Variants in FBN2 observed in about 807,000 individuals in gnomAD.
FBN2 encodes fibrillin 2, also known as fibrillin-2.
A neutral mutation model predicts 355.6 loss-of-function variants in FBN2; 105 were observed. The ratio of observed to expected loss-of-function variants is 0.30; its 90% CI spans 0.25 to 0.35. The LOEUF (loss-of-function observed/expected upper bound fraction) is 0.35, where lower values mean the gene tolerates loss of function less well. FBN2 is among the 10% of genes least tolerant of loss of function. FBN2 has a pLI of 1.00. For missense variants in FBN2, 3,280 were observed against 3,758.7 expected (o/e 0.87, Z 3.33); for synonymous variants, 1,350 against 1,301.2 (o/e 1.04, Z -0.81).
intron 7 of FBN2, among the ~76,000 whole-genome samples, chr5:128,422,394 C>A (rs1177262444): frequency 1.3e-5 from 2 of 152,084 alleles, no homozygotes; most frequent in East Asian, 1.9e-4. Flanking sequence ...CTGGTATACA[C>A]TAAGCTTTTG....
chr5:128,399,465 A>C (rs1029153279), intron 8 of FBN2, among the ~76,000 whole-genome samples: 5 of 152,224 alleles, frequency 3.3e-5, no homozygotes, highest in African/African-American at 9.6e-5. Flanking sequence ...ACAAAACCAG[A>C]GTTTTCTACC....
chr5:128,322,150 G>A (rs575564927), intron 34 of FBN2, among the ~76,000 whole-genome samples: 6 of 151,208 alleles, frequency 4.0e-5, no homozygotes, highest in Admixed American at 2.0e-4. Context: ...TTTTTTTCTT[G>A]TAAATTTAAG....
chr5:128,392,134 T>C lies in FBN2; in HGVS notation c.1487A>G (p.Asp496Gly), dbSNP rs1302540954. ...AAGGTTAGCATGATGCTTACAGATA[T>C]CTATTGTCTGGTTCAGAATTGCTAC... ...TGLTILNQTI[D>G]ICKHHANLCL... The change falls in exon 11 of 65, where the codon GAT becomes GGT. Residue 496 changes from aspartate (D) to glycine (G), a missense_variant. Asp to Gly is a moderately conservative substitution (Grantham distance 94). Coordinates refer to ENST00000262464, the MANE Select transcript of FBN2 (RefSeq NM_001999.4). 2.5e-6 allele frequency: 4 copies of C among 1,613,524 alleles called. No homozygotes were observed. The highest frequency in any genetic ancestry group is 1.7e-5 in the Admixed American group (1 of 59,998).
chr5:128,509,498 A>G (rs1756055193), intron 5 of FBN2, among the ~76,000 whole-genome samples: 1 of 152,164 alleles, frequency 6.6e-6, no homozygotes, highest in African/African-American at 2.4e-5. Flanking sequence ...GGAATACCTT[A>G]TAATAACTAC....
chr5:128,488,297 T>A (rs1486055116), intron 5 of FBN2, among the ~76,000 whole-genome samples: 1 of 152,102 alleles, frequency 6.6e-6, no homozygotes, highest in Non-Finnish European at 1.5e-5. Context: ...GTGCTAGCAG[T>A]TTTTGTCAGC....
chr5:128,349,390 G>A lies in FBN2; in HGVS notation c.2946C>T (p.Cys982=). The A allele has an allele frequency of 6.2e-7, 1 of 1,614,042 alleles. No individual in the cohort carries two copies. Among genetic ancestry groups the A allele is most frequent in the Non-Finnish European group, 8.5e-7 (1 of 1,179,984 alleles). The change falls in exon 23 of 65, where the codon TGC becomes TGT. Residue 982 remains cysteine, a synonymous_variant. Transcript: ENST00000262464. The stretch of plus-strand genomic sequence containing the variant: ...TCCCATCCAACGTAAGGCCTTCAGG[G>A]CACTCGCAATGAAAAGATCCCTTAC... The part of the protein sequence containing the change: ...VNSKGSFHCE[C]PEGLTLDGTG...
At chr5:128,508,671 A>G (rs927834718) in intron 5 of FBN2, among the ~76,000 whole-genome samples, 1 of 152,132 alleles carries the variant, frequency 6.6e-6, no homozygotes, top group Middle Eastern at 3.4e-3. Context: ...ACGTTTTTTG[A>G]TACTTTTCAT....
At position 128,338,733 on chromosome 5, in the gene FBN2, G is replaced by T. The variant is rs1750911765; in HGVS notation, c.3472+200C>A. ...TCCAATCTGAGTATCTCATTGCCAT[G>T]AAGGCGCCAAGAGGTTGGGGCTCCC... On this transcript the variant is annotated intron_variant, in intron 26 of 64. Coordinates refer to ENST00000262464, the MANE Select transcript of FBN2 (RefSeq NM_001999.4). Among the ~76,000 whole-genome samples the T allele has an allele frequency of 2.6e-5, 4 of 152,134 alleles. No individual in the cohort carries two copies. The South Asian group carries it at 8.3e-4, about 32-fold the overall frequency.
intron 3 of FBN2, among the ~76,000 whole-genome samples, chr5:128,528,599 A>T (rs1321905018): frequency 6.6e-6 from 1 of 152,162 alleles, no homozygotes; most frequent in Non-Finnish European, 1.5e-5. Flanking sequence ...TTAGGATGGT[A>T]AAAGGTTTCT....
chr5:128,466,432 G>A (rs1349335114), intron 5 of FBN2, among the ~76,000 whole-genome samples: 2 of 152,102 alleles, frequency 1.3e-5, no homozygotes, highest in African/African-American at 2.4e-5. Context: ...AATAATGTTG[G>A]TATAATTTTT....
chr5:128,519,225 C>T, intron 5 of FBN2, 48 bp downstream of exon 5: 1 of 1,308,918 alleles, frequency 7.6e-7, no homozygotes, highest in Non-Finnish European at 1.1e-6. Context: ...TACATTTTTA[C>T]AATAAAATAG....
chr5:128,339,192 C>T, intron 25 of FBN2, 131 bp from the exon 26 acceptor site: 1 of 900,006 alleles, frequency 1.1e-6, no homozygotes, highest in Non-Finnish European at 1.8e-6. Context: ...TTTCAGTAGA[C>T]CCAGATAGAA....
intron 55 of FBN2, among the ~76,000 whole-genome samples, chr5:128,281,299 G>T (rs759766867): frequency 5.9e-5 from 9 of 152,116 alleles, no homozygotes; most frequent in Non-Finnish European, 1.0e-4. Flanking sequence ...CTGTGGGATT[G>T]CCCTCTTCCT....
intron 6 of FBN2, among the ~76,000 whole-genome samples, chr5:128,454,353 A>G (rs1371180762): frequency 6.6e-6 from 1 of 152,206 alleles, no homozygotes. Flanking sequence ...AGTTTGCTTT[A>G]AAGTTTTTTA....
At chr5:128,530,569 G>A (rs759900890) in intron 3 of FBN2, 26 bp downstream of exon 3, 1 of 1,519,836 alleles carries the variant, frequency 6.6e-7, no homozygotes, top group East Asian at 2.3e-5. Flanking sequence ...AAAATGCAGT[G>A]AAAAGGCCAC....
At chr5:128,358,247 G>C (rs1056123856) in intron 19 of FBN2, among the ~76,000 whole-genome samples, 1 of 151,944 alleles carries the variant, frequency 6.6e-6, no homozygotes, top group Non-Finnish European at 1.5e-5. Flanking sequence ...AAAAATCAAA[G>C]ACATTTTCAG....
intron 7 of FBN2, among the ~76,000 whole-genome samples, chr5:128,413,851 T>C (rs1753130334): frequency 6.6e-6 from 1 of 152,200 alleles, no homozygotes; most frequent in Non-Finnish European, 1.5e-5. Flanking sequence ...ATTTGGAATA[T>C]TCTGTATAAT....
intron 7 of FBN2, among the ~76,000 whole-genome samples, chr5:128,422,492 T>C (rs61444086): frequency 0.024 from 3,656 of 152,146 alleles, 154 homozygotes; most frequent in African/African-American, 0.084. Context: ...GGTTAATGTG[T>C]TTTAGGATGG....
chr5:128,330,937 G>A (rs1296322546), intron 32 of FBN2, among the ~76,000 whole-genome samples: 1 of 152,154 alleles, frequency 6.6e-6, no homozygotes, highest in Non-Finnish European at 1.5e-5. Flanking sequence ...TTTTTTAACA[G>A]CTTAAAGCAA....
Sources: allele counts gnomAD v4.1 joint callset (sites outside exome capture counted in the v4.1 genomes callset), GRCh38; gene constraint gnomAD v4.1.1; transcripts MANE v1.5; gene names NCBI Gene and HGNC (gene_info 2026-07-23, HGNC 2026-07-21).